Variants in NXPE2 observed in about 807,000 individuals in gnomAD.
NXPE2 encodes the protein NXPE family member 2.
A neutral mutation model predicts 34.4 loss-of-function variants in NXPE2; 34 were observed. That is an observed-to-expected ratio of 0.99 (90% CI 0.75 to 1.31). NXPE2 has a LOEUF of 1.31. NXPE2 is among the 40% of genes most tolerant of loss of function. NXPE2 has a pLI of 0.00. For missense variants in NXPE2, 649 were observed against 672.5 expected, an observed-to-expected ratio of 0.97 and a Z score of 0.39; for synonymous variants, 235 against 231.3, an observed-to-expected ratio of 1.02 and a Z score of -0.15.
At chr11:114,717,684 A>C in the NXPE2 span, among the ~76,000 whole-genome samples, 1 of 152,200 alleles carries the variant, frequency 6.6e-6, no homozygotes, top group African/African-American at 2.4e-5. Flanking sequence ...GTACTGGTGA[A>C]TACACTACAC....
chr11:114,812,015 C>T, the NXPE2 span, among the ~76,000 whole-genome samples: 2 of 152,162 alleles, frequency 1.3e-5, no homozygotes, highest in African/African-American at 2.4e-5. Context: ...ATTATTATCA[C>T]AAAAATCAGT....
At chr11:114,511,418 G>A in the NXPE2 span, among the ~76,000 whole-genome samples, 1 of 152,202 alleles carries the variant, frequency 6.6e-6, no homozygotes, top group South Asian at 2.1e-4. Context: ...AAAGTCACAT[G>A]TCAAGGAGGC....
At chr11:114,530,619 T>C in the NXPE2 span, 36 of 1,614,070 alleles carry the variant, frequency 2.2e-5, no homozygotes, top group East Asian at 1.1e-4. Flanking sequence ...TTGCTTCCTC[T>C]GTCCCAAGTG....
chr11:114,489,608 A>G, the NXPE2 span, among the ~76,000 whole-genome samples: 1 of 152,238 alleles, frequency 6.6e-6, no homozygotes, highest in African/African-American at 2.4e-5. Flanking sequence ...GACAAAAACC[A>G]CATGATTGTC....
the NXPE2 span, among the ~76,000 whole-genome samples, chr11:114,472,355 A>G: frequency 1.3e-5 from 2 of 152,164 alleles, no homozygotes. Flanking sequence ...TGGGCCACAC[A>G]TAAAATACAC....
the NXPE2 span, among the ~76,000 whole-genome samples, chr11:114,573,765 G>A: frequency 6.6e-6 from 1 of 151,952 alleles, no homozygotes; most frequent in Non-Finnish European, 1.5e-5. Flanking sequence ...CAATAGTGGG[G>A]AACTTTAACA....
chr11:114,698,556 T>C lies in NXPE2; in HGVS notation c.644T>C (p.Ile215Thr), dbSNP rs770709747. 1 of 1,614,178 alleles carries C rather than the reference T, an allele frequency of 6.2e-7. No homozygotes were observed. The highest frequency in any genetic ancestry group is 8.5e-7 in the Non-Finnish European group (1 of 1,180,016). The part of the protein sequence containing the change: ...RARNQGCDRI[I>T]FTGLFANRSS... ...AGGAACCAAGGATGTGATAGGATCA[T>C]CTTCACTGGCCTGTTTGCCAACAGA... is the stretch of plus-strand genomic sequence containing the variant. Residue 215 changes from isoleucine (I) to threonine (T), a missense_variant, in exon 3 of 6, where the codon ATC becomes ACC. By Grantham distance (89) the Ile-to-Thr change is moderately conservative. Transcript: ENST00000389586.
At chr11:114,779,477 T>G in the NXPE2 span, among the ~76,000 whole-genome samples, 1 of 152,028 alleles carries the variant, frequency 6.6e-6, no homozygotes, top group Admixed American at 6.5e-5. Flanking sequence ...AGGAGCCACT[T>G]GGAGCGGGGA....
the NXPE2 span, among the ~76,000 whole-genome samples, chr11:114,474,267 G>T: frequency 1.3e-5 from 2 of 152,186 alleles, no homozygotes; most frequent in African/African-American, 2.4e-5. Context: ...AATGGATGAG[G>T]TCAACAAGGG....
chr11:114,632,517 T>A, the NXPE2 span, among the ~76,000 whole-genome samples: 16 of 124,640 alleles, frequency 1.3e-4, no homozygotes, highest in African/African-American at 4.5e-4. Context: ...TTATTTTATA[T>A]TATATTTTGC....
chr11:114,767,600 A>G, the NXPE2 span, among the ~76,000 whole-genome samples: 1 of 152,124 alleles, frequency 6.6e-6, no homozygotes, highest in Non-Finnish European at 1.5e-5. Context: ...TTTATTTTCA[A>G]TGAATAGCAA....
At chr11:114,538,587 A>G in the NXPE2 span, among the ~76,000 whole-genome samples, 1 of 152,238 alleles carries the variant, frequency 6.6e-6, no homozygotes. Flanking sequence ...TTATAAGAAA[A>G]AAACAAACAA....
At chr11:114,786,360 C>T in the NXPE2 span, among the ~76,000 whole-genome samples, 4 of 124,956 alleles carry the variant, frequency 3.2e-5, no homozygotes, top group East Asian at 8.3e-4. Context: ...TTTCTACCCC[C>T]GCCCCCCGCC....
chr11:114,695,166 T>G (rs916831648), intron 2 of NXPE2, among the ~76,000 whole-genome samples: 3 of 152,202 alleles, frequency 2.0e-5, no homozygotes, highest in African/African-American at 7.2e-5. Context: ...TGTTTATGTG[T>G]CTCCTAGAGA....
chr11:114,478,212 A>G, the NXPE2 span, among the ~76,000 whole-genome samples: 1 of 152,108 alleles, frequency 6.6e-6, no homozygotes, highest in Non-Finnish European at 1.5e-5. Flanking sequence ...TACTTCTCAT[A>G]TCTCTGTGAC....
the NXPE2 span, among the ~76,000 whole-genome samples, chr11:114,750,457 T>C: frequency 6.6e-6 from 1 of 152,202 alleles, no homozygotes. Context: ...TATCCTGAAA[T>C]TGCTTTTTGA....
At chr11:114,567,706 C>A in the NXPE2 span, among the ~76,000 whole-genome samples, 10 of 152,162 alleles carry the variant, frequency 6.6e-5, no homozygotes, top group Admixed American at 3.3e-4. Context: ...GGATTCAGCA[C>A]AAACTGGTAC....
At chr11:114,610,238 T>C in the NXPE2 span, among the ~76,000 whole-genome samples, 1 of 151,422 alleles carries the variant, frequency 6.6e-6, no homozygotes. Context: ...TGCCTCGTGG[T>C]TAACCACTGT....
the NXPE2 span, among the ~76,000 whole-genome samples, chr11:114,672,839 T>A: frequency 6.6e-6 from 1 of 151,494 alleles, no homozygotes; most frequent in Non-Finnish European, 1.5e-5. Flanking sequence ...AAAAAAGAAA[T>A]AGACAATTCA....
Sources: gnomAD v4.1 joint callset for allele counts (sites outside exome capture counted in the v4.1 genomes callset) on GRCh38, gnomAD v4.1.1 for gene constraint, MANE v1.5 for transcripts, NCBI Gene and HGNC (gene_info 2026-07-23, HGNC 2026-07-21) for gene names.